PDS5A: variants seen among roughly 807,000 people sequenced by gnomAD.
PDS5A encodes the protein PDS5 cohesin associated factor A, also known as sister chromatid cohesion protein PDS5 homolog A.
A neutral mutation model predicts 167.1 loss-of-function variants in PDS5A; 42 were observed. The observed-to-expected ratio is 0.25, with a 90% CI of 0.20 to 0.33. The LOEUF (loss-of-function observed/expected upper bound fraction) is 0.33, where lower values mean the gene tolerates loss of function less well. Ranked by LOEUF, PDS5A falls within the 10% of genes least tolerant of loss-of-function variation. The pLI, the probability that PDS5A is intolerant of heterozygous loss-of-function variation, is 1.00. For missense variants in PDS5A, 1,033 were observed against 1,605.9 expected, an observed-to-expected ratio of 0.64 and a Z score of 6.10; for synonymous variants, 553 against 554.6, an observed-to-expected ratio of 1.00 and a Z score of 0.04.
rs1392560440 is a variant in PDS5A at position 39,837,861 on chromosome 4, T to C, written c.4005A>G (p.Leu1335=). 1 of 1,606,538 alleles carries C rather than the reference T, an allele frequency of 6.2e-7. No individual in the cohort carries two copies. The highest frequency in any genetic ancestry group is 8.5e-7 in the Non-Finnish European group (1 of 1,176,690). The change falls in exon 32 of 33, where the codon TTA becomes TTG. Residue 1335 remains leucine, a synonymous_variant. Coordinates refer to ENST00000303538, the MANE Select transcript of PDS5A (RefSeq NM_001100399.2). ...KAAPAERQID[L]QR is the part of the protein sequence containing the mutation. ...GGAAGAATGGCGTACATTACCTTTGTAAGTCAATTTGTCTTTCTGCTGGTG... is the reference window on the plus strand; with the variant it reads ...GGAAGAATGGCGTACATTACCTTTGCAAGTCAATTTGTCTTTCTGCTGGTG...
intron 22 of PDS5A, among the ~76,000 whole-genome samples, chr4:39,868,390 G>A (rs554813622): frequency 4.6e-5 from 7 of 152,266 alleles, no homozygotes; most frequent in South Asian, 2.1e-4. Context: ...GGGCGGTGGC[G>A]GGACCTTGGC....
chr4:39,925,080 C>T (rs1370776209), intron 5 of PDS5A, among the ~76,000 whole-genome samples: 2 of 152,046 alleles, frequency 1.3e-5, no homozygotes, highest in Admixed American at 6.6e-5. Flanking sequence ...CCACTGCACT[C>T]CAGTATGGGT....
In PDS5A at chr4:39,898,834, TA is replaced by T; in HGVS notation, c.1582-10del. On this transcript the variant is annotated splice_polypyrimidine_tract_variant and intron_variant, in intron 14 of 32. Transcript: ENST00000303538. ...GAACAGTTAGCCTCTGACTGAAATTTAAAACAGAAACAAAAGAACAACTAGT... is the reference window on the plus strand; with the variant it reads ...GAACAGTTAGCCTCTGACTGAAATTTAAACAGAAACAAAAGAACAACTAGT... 6.3e-7 allele frequency: 1 copy of T among 1,578,260 alleles called. No homozygotes were observed. The highest frequency in any genetic ancestry group is 8.6e-7 in the Non-Finnish European group (1 of 1,156,732).
chr4:39,916,574 T>C (rs949363941), intron 8 of PDS5A, among the ~76,000 whole-genome samples: 4 of 152,120 alleles, frequency 2.6e-5, no homozygotes, highest in African/African-American at 9.7e-5. Context: ...ATTAAAAGTA[T>C]TATAATTTTG....
At position 39,917,152 on chromosome 4, in the gene PDS5A, C is replaced by A; in HGVS notation, c.772G>T (p.Val258Leu). The A allele has an allele frequency of 1.9e-6, 3 of 1,565,266 alleles. No individual in the cohort carries two copies. Among genetic ancestry groups the A allele is most frequent in the Non-Finnish European group, 2.6e-6 (3 of 1,160,448 alleles). Residue 258 changes from valine (V) to leucine (L), a missense_variant, in exon 8 of 33, where the codon GTA (valine) becomes TTA (leucine). Physicochemically the swap from Val to Leu is conservative, Grantham distance 32. Transcript: ENST00000303538. ...AATACATGTTCTGACAAATCACTTA[C>A]TGATGATCTTCCCAGCACCAGGACT... ...NQVLVLGRSS[V>L]SDLSEHVFDL...
At chr4:39,852,744 C>G (rs898055083) in intron 26 of PDS5A, among the ~76,000 whole-genome samples, 3 of 152,180 alleles carry the variant, frequency 2.0e-5, no homozygotes, top group Non-Finnish European at 4.4e-5. Flanking sequence ...CCATCCTCTC[C>G]TTGTCAATGT....
At chr4:39,867,772 A>ACCCCCC (rs1553892690) in intron 22 of PDS5A, among the ~76,000 whole-genome samples, 2 of 90,596 alleles carry the variant, frequency 2.2e-5, no homozygotes, top group Admixed American at 1.1e-4. Context: ...ACACACACAC[A>ACCCCCC]CACCCCACAA....
intron 9 of PDS5A, 54 bp from the exon 10 acceptor site, chr4:39,910,392 A>G: frequency 1.1e-6 from 1 of 872,460 alleles, no homozygotes; most frequent in Non-Finnish European, 1.9e-6. Flanking sequence ...AATCACTCTC[A>G]AATCAGGTAT....
At chr4:39,902,578 A>G (rs1189929623) in intron 12 of PDS5A, 118 bp from the exon 13 acceptor site, 8 of 545,472 alleles carry the variant, frequency 1.5e-5, no homozygotes, top group South Asian at 1.1e-4. Context: ...GCTGGAGTAC[A>G]GTGGTGCAAA....
chr4:39,875,530 G>A (rs188717577), intron 19 of PDS5A, among the ~76,000 whole-genome samples: 70 of 152,294 alleles, frequency 4.6e-4, no homozygotes, highest in Non-Finnish European at 9.1e-4. Context: ...GCCCTCTTAT[G>A]ATAATGGAAG....
chr4:39,964,503 A>AGTTCAG (rs1469458224), intron 2 of PDS5A, among the ~76,000 whole-genome samples: 2 of 152,202 alleles, frequency 1.3e-5, no homozygotes, highest in Non-Finnish European at 2.9e-5. Context: ...CAAAAGTTCA[A>AGTTCAG]GACCAGCCTG....
At chr4:39,910,423 T>A in intron 9 of PDS5A, 85 bp from the exon 10 acceptor site, 1 of 692,474 alleles carries the variant, frequency 1.4e-6, no homozygotes, top group Non-Finnish European at 2.5e-6. Flanking sequence ...AAAATACTTA[T>A]ACGCAACAAT....
chr4:39,841,367 C>G (rs385871), intron 31 of PDS5A, among the ~76,000 whole-genome samples: 104,509 of 152,050 alleles, frequency 0.69, 37,872 homozygotes, highest in Middle Eastern at 0.85. Context: ...TCAAACTACT[C>G]ACCTCATGAT....
chr4:39,837,137 TTGAG>T (rs1213534534), intron 32 of PDS5A: 1 of 152,024 alleles, frequency 6.6e-6, no homozygotes, highest in Admixed American at 6.6e-5. Flanking sequence ...TGGCCTGACA[TTGAG>T]TTTTATAAAA....
intron 19 of PDS5A, 145 bp downstream of exon 19, chr4:39,876,848 A>G (rs1720499502): frequency 5.6e-6 from 3 of 534,240 alleles, no homozygotes; most frequent in Middle Eastern, 4.9e-4. Flanking sequence ...GGAAAGACAA[A>G]GCAGAGGAGG....
At position 39,872,626 on chromosome 4, in the gene PDS5A, G is replaced by C. The variant is rs77204144; in HGVS notation, c.2436+360C>G. 1.7e-4 allele frequency among the ~76,000 whole-genome samples: 26 copies of C among 152,258 alleles called. 1 individual carries two copies. In the East Asian group the frequency reaches 4.8e-3, roughly 28 times the overall value. ...AGATCGTGCCACTGCATTCCAGCCTGAGGCACAGAGCGAGACTCTTGTCTT... is the reference window on the plus strand; with the variant it reads ...AGATCGTGCCACTGCATTCCAGCCTCAGGCACAGAGCGAGACTCTTGTCTT... On this transcript the variant is annotated intron_variant, in intron 21 of 32. Coordinates refer to ENST00000303538, the MANE Select transcript of PDS5A (RefSeq NM_001100399.2).
At chr4:39,963,140 C>T (rs982487110) in intron 2 of PDS5A, among the ~76,000 whole-genome samples, 3 of 151,454 alleles carry the variant, frequency 2.0e-5, no homozygotes, top group Non-Finnish European at 4.4e-5. Context: ...ACCAACATGG[C>T]GAAACCCCGT....
rs1361511091 is a variant in PDS5A at position 39,883,805 on chromosome 4, AT to A, written c.1887-3973del. 2.0e-5 allele frequency among the ~76,000 whole-genome samples: 3 copies of A among 151,642 alleles called. No individual in the cohort carries two copies. In the East Asian group the frequency reaches 5.8e-4, roughly 30 times the overall value. On this transcript the variant is annotated intron_variant, in intron 17 of 32. Transcript: ENST00000303538. Reference sequence around the variant, plus strand: ...GCCATGGTATCCTGCTAATTTCTGTATTTTTGTAGAGATAGGGTTTTGCCAT... The same window carrying A: ...GCCATGGTATCCTGCTAATTTCTGTATTTTGTAGAGATAGGGTTTTGCCAT...
intron 14 of PDS5A, among the ~76,000 whole-genome samples, chr4:39,899,278 GA>G: frequency 6.6e-6 from 1 of 152,158 alleles, no homozygotes; most frequent in East Asian, 1.9e-4. Flanking sequence ...ATACCTTCAG[GA>G]AAACCTCCTT....
Sources: gnomAD v4.1 joint callset for allele counts (sites outside exome capture counted in the v4.1 genomes callset) on GRCh38, gnomAD v4.1.1 for gene constraint, MANE v1.5 for transcripts, NCBI Gene and HGNC (gene_info 2026-07-23, HGNC 2026-07-21) for gene names.